BACH2: variants seen among roughly 807,000 people sequenced by gnomAD.
The protein encoded by BACH2 is BACH transcriptional regulator 2.
A neutral mutation model predicts 61.8 loss-of-function variants in BACH2; 5 were observed. That is an observed-to-expected ratio of 0.08 (90% CI 0.04 to 0.17). The LOEUF is 0.17. BACH2 is among the 10% of genes least tolerant of loss of function. The pLI is 1.00. For synonymous variants in BACH2, 446 were observed against 440.1 expected (o/e 1.01, Z -0.17); for missense variants, 824 against 1,091.1 (o/e 0.76, Z 3.45).
At chr6:89,980,876 T>C (rs1775911792) in intron 6 of BACH2, among the ~76,000 whole-genome samples, 1 of 151,456 alleles carries the variant, frequency 6.6e-6, no homozygotes, top group South Asian at 2.1e-4. Flanking sequence ...TGTCATACTA[T>C]TGACTGTGTA....
intron 4 of BACH2, among the ~76,000 whole-genome samples, chr6:90,092,291 A>AAAAAAAAAAAAAAAAATATATAT: frequency 6.1e-5 from 7 of 113,824 alleles, no homozygotes; most frequent in African/African-American, 2.5e-4. Flanking sequence ...AAAAAAAAAA[A>AAAAAAAAAAAAAAAAATATATAT]ATATATATAT....
intron 4 of BACH2, among the ~76,000 whole-genome samples, chr6:90,165,155 C>A (rs1374679499): frequency 6.6e-6 from 1 of 152,130 alleles, no homozygotes; most frequent in Non-Finnish European, 1.5e-5. Flanking sequence ...GATTGTATAT[C>A]TAGAAAACCC....
At chr6:90,053,977 C>A (rs1320288349) in intron 5 of BACH2, among the ~76,000 whole-genome samples, 1 of 151,942 alleles carries the variant, frequency 6.6e-6, no homozygotes, top group Non-Finnish European at 1.5e-5. Flanking sequence ...TTCTGGAATG[C>A]CGGTGGGGAG....
In BACH2 at chr6:89,951,205, T is replaced by C; in HGVS notation, c.901A>G (p.Lys301Glu). Reference protein sequence around the residue: ...LCLSGDEPDAKDRAGDVEMDR... With the variant: ...LCLSGDEPDAEDRAGDVEMDR... ...ATCTCGACATCCCCCGCTCTGTCCT[T>C]GGCGTCAGGCTCATCTCCAGACAGG... Residue 301 changes from lysine to glutamate, a missense_variant, in exon 7 of 9, where the codon AAG becomes GAG. Physicochemically the swap from Lys to Glu is moderately conservative, Grantham distance 56. Around this residue, in one of 8 missense-constraint regions of BACH2, gnomAD observed 226 missense variants for 228.5 expected, o/e 0.99. Transcript: ENST00000257749. This position sits in a 1 kb window ranked among gnomAD's most constrained non-coding sequence, Gnocchi z 6.4. 2 of 1,614,018 alleles carry C rather than the reference T, an allele frequency of 1.2e-6. No homozygotes were observed. Among genetic ancestry groups the C allele is most frequent in the South Asian group, 1.1e-5 (1 of 91,074 alleles).
chr6:90,073,011 C>T (rs1032506399), intron 5 of BACH2, among the ~76,000 whole-genome samples: 10 of 152,170 alleles, frequency 6.6e-5, no homozygotes, highest in African/African-American at 1.4e-4. Context: ...TCATTTACAA[C>T]GATGAGAAGG....
intron 5 of BACH2, among the ~76,000 whole-genome samples, chr6:90,019,933 G>A (rs1778286676): frequency 1.3e-5 from 2 of 152,148 alleles, no homozygotes; most frequent in African/African-American, 4.8e-5. Flanking sequence ...ACATAAACAT[G>A]GGCATCTGCT....
At chr6:90,044,363 A>G (rs961561729) in intron 5 of BACH2, among the ~76,000 whole-genome samples, 1 of 152,196 alleles carries the variant, frequency 6.6e-6, no homozygotes, top group African/African-American at 2.4e-5. Context: ...CTACAGCAGG[A>G]GTAGGCTTGA....
chr6:90,197,097 T>A (rs188787347), intron 4 of BACH2, among the ~76,000 whole-genome samples: 149 of 152,308 alleles, frequency 9.8e-4, no homozygotes, highest in Non-Finnish European at 1.8e-3. Context: ...GCCAATGATG[T>A]ACATATATTC....
intron 4 of BACH2, among the ~76,000 whole-genome samples, chr6:90,099,384 G>A (rs549266484): frequency 7.4e-4 from 103 of 139,616 alleles, no homozygotes; most frequent in African/African-American, 3.3e-3. Flanking sequence ...ATATGCTTTT[G>A]TTTTATTTTT....
rs137986015 is a variant in BACH2 at position 90,156,738 on chromosome 6, C to G, written c.-162+49831G>C. Among the ~76,000 whole-genome samples, 59 of 152,224 alleles carry G rather than the reference C, an allele frequency of 3.9e-4. No homozygotes were observed. The East Asian group carries it at 7.5e-3, about 19-fold the overall frequency. On this transcript the variant is annotated intron_variant, in intron 4 of 8. Transcript: ENST00000257749. ...GGCAGCAGATTTCACAGGGACCATTCAAAGCCCTGCAGGAACAACAACAAC... is the reference window on the plus strand; with the variant it reads ...GGCAGCAGATTTCACAGGGACCATTGAAAGCCCTGCAGGAACAACAACAAC...
intron 4 of BACH2, among the ~76,000 whole-genome samples, chr6:90,100,132 TAATC>T (rs1228101563): frequency 6.6e-6 from 1 of 152,282 alleles, no homozygotes; most frequent in African/African-American, 2.4e-5. Flanking sequence ...GGCTGCATAA[TAATC>T]AATTATATTC....
intron 3 of BACH2, among the ~76,000 whole-genome samples, chr6:90,219,429 G>C (rs1159636323): frequency 1.3e-5 from 2 of 152,098 alleles, no homozygotes; most frequent in African/African-American, 4.8e-5. Flanking sequence ...TGTCCCTCTG[G>C]AGCTGTGTGT....
chr6:89,970,703 C>A (rs180738394), intron 6 of BACH2, among the ~76,000 whole-genome samples: 10 of 152,266 alleles, frequency 6.6e-5, no homozygotes, highest in Admixed American at 1.3e-4. Flanking sequence ...TTTCTGGCCC[C>A]CCCCAGATCT....
intron 4 of BACH2, among the ~76,000 whole-genome samples, chr6:90,171,322 A>G (rs1481371534): frequency 1.3e-5 from 2 of 151,950 alleles, no homozygotes; most frequent in Non-Finnish European, 2.9e-5. Context: ...CCAAGCTAGG[A>G]GAATCGCTTG....
chr6:90,043,192 G>C (rs1393335262), intron 5 of BACH2, among the ~76,000 whole-genome samples: 1 of 152,208 alleles, frequency 6.6e-6, no homozygotes, highest in East Asian at 1.9e-4. Context: ...ATCTATCCAA[G>C]CTCACTGTTA....
chr6:90,157,836 A>G (rs572226950), intron 4 of BACH2, among the ~76,000 whole-genome samples: 1 of 152,312 alleles, frequency 6.6e-6, no homozygotes, highest in South Asian at 2.1e-4. Context: ...AGCACCTACT[A>G]TATGTCCACT....
Position 90,179,408 on chromosome 6 carries a change from C to T in BACH2, c.-162+27161G>A, listed in dbSNP as rs905094741. Among the ~76,000 whole-genome samples, 49 of 152,138 alleles carry T rather than the reference C, an allele frequency of 3.2e-4. 2 individuals are homozygous for T. Among genetic ancestry groups the T allele is most frequent in the Non-Finnish European group, 7.4e-5 (5 of 68,022 alleles). On this transcript the variant is annotated intron_variant, in intron 4 of 8. Transcript: ENST00000257749. ...AATAAATGTGTTTCAACTACTGCCC[C>T]CTCCTGGTGGCATAACCAAAGGTAC... is the stretch of plus-strand genomic sequence containing the variant.
At chr6:90,083,701 G>T (rs1299337489) in intron 5 of BACH2, among the ~76,000 whole-genome samples, 1 of 152,120 alleles carries the variant, frequency 6.6e-6, no homozygotes, top group Non-Finnish European at 1.5e-5. Flanking sequence ...CACTGGAAAG[G>T]TGGTAAAAGC....
chr6:90,232,315 AG>A (rs931645166), intron 3 of BACH2, among the ~76,000 whole-genome samples: 11 of 152,338 alleles, frequency 7.2e-5, no homozygotes, highest in African/African-American at 2.6e-4. Context: ...CAAGATAGCC[AG>A]GAGTTCTATT....
Sources: allele counts gnomAD v4.1 joint callset (sites outside exome capture counted in the v4.1 genomes callset), GRCh38; gene constraint gnomAD v4.1.1; regional missense constraint gnomAD v4.1.1; non-coding constraint Gnocchi (gnomAD v3.1); transcripts MANE v1.5; gene names NCBI Gene and HGNC (gene_info 2026-07-23, HGNC 2026-07-21).